Variants in RGS7 observed in about 807,000 individuals in gnomAD.
RGS7 encodes regulator of G protein signaling 7, also known as regulator of G-protein signaling 7.
Under a neutral mutation model 81.1 loss-of-function variants are expected in RGS7, and 27 were observed. That is an observed-to-expected ratio of 0.33 (90% CI 0.25 to 0.46). The LOEUF (loss-of-function observed/expected upper bound fraction) is 0.46. Among genes scored for constraint, RGS7 ranks in the 20% least tolerant of loss-of-function variants. RGS7 has a pLI of 1.00. For missense variants in RGS7, 396 were observed against 607.4 expected, an observed-to-expected ratio of 0.65 and a Z score of 3.66; for synonymous variants, 208 against 207.7, an observed-to-expected ratio of 1.00 and a Z score of -0.01.
At chr1:241,128,572 G>A (rs1197773793) in intron 2 of RGS7, among the ~76,000 whole-genome samples, 2 of 151,578 alleles carry the variant, frequency 1.3e-5, no homozygotes, top group Non-Finnish European at 2.9e-5. Flanking sequence ...GTAAAAGAAC[G>A]AGACTCCGTC....
chr1:240,879,932 A>G (rs907833171), intron 6 of RGS7, among the ~76,000 whole-genome samples: 11 of 152,238 alleles, frequency 7.2e-5, no homozygotes, highest in Non-Finnish European at 1.3e-4. Context: ...TGTCTTGGAA[A>G]ATTAAGGCTG....
chr1:241,287,862 G>A (rs982044281), intron 2 of RGS7, among the ~76,000 whole-genome samples: 3 of 152,046 alleles, frequency 2.0e-5, no homozygotes, highest in East Asian at 1.9e-4. Context: ...GCAAATGCAG[G>A]GGCCATATTT....
chr1:241,268,149 G>T (rs1044878460), intron 2 of RGS7, among the ~76,000 whole-genome samples: 2 of 152,158 alleles, frequency 1.3e-5, no homozygotes, highest in Admixed American at 1.3e-4. Context: ...ACTGTCTAGA[G>T]GACTTTTCTG....
chr1:241,130,559 G>A (rs2067004343), intron 2 of RGS7, among the ~76,000 whole-genome samples: 1 of 151,818 alleles, frequency 6.6e-6, no homozygotes, highest in African/African-American at 2.4e-5. Flanking sequence ...GTGAGAAGAG[G>A]GACAGTAAGA....
At chr1:240,872,269 C>T (rs1664627377) in intron 6 of RGS7, among the ~76,000 whole-genome samples, 2 of 152,086 alleles carry the variant, frequency 1.3e-5, no homozygotes, top group Admixed American at 6.6e-5. Context: ...TAAAATCTCC[C>T]TAAATGTCTA....
chr1:241,188,714 A>G (rs1157418131), intron 2 of RGS7, among the ~76,000 whole-genome samples: 3 of 152,182 alleles, frequency 2.0e-5, no homozygotes, highest in African/African-American at 4.8e-5. Context: ...ATTGACTTCT[A>G]TGGTCAATGG....
rs968739454 is a variant in RGS7 at position 240,945,244 on chromosome 1, T to C, written c.227-8538A>G. On this transcript the variant is annotated intron_variant, in intron 4 of 18. Transcript: ENST00000440928. ...AATACTCTAACACGAAAGAGAAAAA[T>C]AGCCCAATACGAAATATAAAAGCTG... 1.1e-4 allele frequency among the ~76,000 whole-genome samples: 17 copies of C among 152,310 alleles called. No individual in the cohort carries two copies. The East Asian group carries it at 3.3e-3, about 29-fold the overall frequency.
chr1:240,817,909 C>CT (rs966626903), intron 10 of RGS7, among the ~76,000 whole-genome samples: 11 of 152,092 alleles, frequency 7.2e-5, no homozygotes, highest in African/African-American at 1.9e-4. Context: ...GGCCTCCGTC[C>CT]TTTTTTTGGT....
intron 9 of RGS7, among the ~76,000 whole-genome samples, chr1:240,864,017 C>A (rs910341907): frequency 6.6e-6 from 1 of 152,120 alleles, no homozygotes; most frequent in Admixed American, 6.5e-5. Flanking sequence ...GCTCTCCCAC[C>A]GCTAGCTCTG....
At chr1:241,141,415 C>T (rs114862778) in intron 2 of RGS7, among the ~76,000 whole-genome samples, 2,031 of 152,306 alleles carry the variant, frequency 0.013, 59 homozygotes, top group African/African-American at 0.047. Context: ...AATCCATTCT[C>T]ACACTGCTAT....
intron 3 of RGS7, among the ~76,000 whole-genome samples, chr1:241,086,570 C>T (rs980879479): frequency 6.6e-6 from 1 of 152,032 alleles, no homozygotes; most frequent in Non-Finnish European, 1.5e-5. Context: ...AGTACCCAGC[C>T]TTGTCTCCCT....
At chr1:241,231,150 T>C (rs2075640970) in intron 2 of RGS7, among the ~76,000 whole-genome samples, 1 of 152,176 alleles carries the variant, frequency 6.6e-6, no homozygotes, top group African/African-American at 2.4e-5. Context: ...GATTAATTTG[T>C]TCATACAATA....
At chr1:241,306,979 G>A in intron 2 of RGS7, among the ~76,000 whole-genome samples, 1 of 152,226 alleles carries the variant, frequency 6.6e-6, no homozygotes, top group East Asian at 1.9e-4. Context: ...GGGAGAAAGA[G>A]TGTAAAAATG....
At chr1:241,029,444 C>A (rs758618780) in intron 3 of RGS7, among the ~76,000 whole-genome samples, 5 of 152,162 alleles carry the variant, frequency 3.3e-5, no homozygotes, top group Non-Finnish European at 7.3e-5. Context: ...AATTTGGTGA[C>A]AAGTCAAACA....
chr1:241,291,481 C>T (rs1226706471), intron 2 of RGS7, among the ~76,000 whole-genome samples: 1 of 147,816 alleles, frequency 6.8e-6, no homozygotes, highest in African/African-American at 2.5e-5. Flanking sequence ...TCCAGATATA[C>T]TATTAATATA....
At chr1:241,121,419 G>A (rs1236026589) in intron 2 of RGS7, among the ~76,000 whole-genome samples, 1 of 151,980 alleles carries the variant, frequency 6.6e-6, no homozygotes, top group African/African-American at 2.4e-5. Context: ...GACAACAAAA[G>A]GAAAAGAAAC....
At chr1:240,893,514 T>C (rs1668582937) in intron 6 of RGS7, among the ~76,000 whole-genome samples, 1 of 152,118 alleles carries the variant, frequency 6.6e-6, no homozygotes, top group African/African-American at 2.4e-5. Context: ...TCTCTGAAAA[T>C]TATTTAGGAA....
rs141577502 is a variant in RGS7 at position 241,274,920 on chromosome 1, C to T, written c.78+80779G>A. ...GATAACATCACGACCAGAGTACTGA[C>T]GAGATATTTCCTTATCCAGGACGGA... On this transcript the variant is annotated intron_variant, in intron 2 of 18. Coordinates refer to ENST00000440928, the MANE Select transcript of RGS7 (RefSeq NM_001364886.1). Among the ~76,000 whole-genome samples the T allele has an allele frequency of 8.0e-4, 122 of 152,262 alleles. 1 individual carries two copies. The highest frequency in any genetic ancestry group is 2.8e-3 in the African/African-American group (115 of 41,550).
intron 2 of RGS7, among the ~76,000 whole-genome samples, chr1:241,212,407 G>C (rs766946112): frequency 2.6e-5 from 4 of 152,108 alleles, no homozygotes; most frequent in African/African-American, 4.8e-5. Context: ...TTGGTTTAAT[G>C]CTCTGCTGTT....
Sources: allele counts gnomAD v4.1 joint callset (sites outside exome capture counted in the v4.1 genomes callset), GRCh38; gene constraint gnomAD v4.1.1; transcripts MANE v1.5; gene names NCBI Gene and HGNC (gene_info 2026-07-23, HGNC 2026-07-21).